The following MTMR3 variants were observed in gnomAD, a reference collection of about 807,000 sequenced individuals.
The protein encoded by MTMR3 is myotubularin related protein 3, also known as phosphatidylinositol-3,5-bisphosphate 3-phosphatase MTMR3.
Under a neutral mutation model 132.4 loss-of-function variants are expected in MTMR3, and 32 were observed. The ratio of observed to expected loss-of-function variants is 0.24; its 90% confidence interval spans 0.18 to 0.32. MTMR3 has a LOEUF of 0.32. Ranked by LOEUF, MTMR3 falls within the 10% of genes least tolerant of loss-of-function variation. The pLI is 1.00. For synonymous variants in MTMR3, 556 were observed against 550.3 expected (o/e 1.01, Z -0.14); for missense variants, 1,216 against 1,489.6 (o/e 0.82, Z 3.02).
rs757168895 is a variant in MTMR3, at chr22:30,018,085, T to C, written c.1820+13T>C. The C allele has an allele frequency of 8.2e-6, 13 of 1,592,814 alleles. No homozygotes were observed. Among genetic ancestry groups the C allele is most frequent in the Non-Finnish European group, 1.1e-5 (13 of 1,172,314 alleles). On this transcript the variant is annotated intron_variant, in intron 16 of 19. Transcript: ENST00000401950. ...CCCCCCTGAGCCGGTGAGCCCAGGGTGATGCCACAGGCCTGACAGCCTGTG... is the reference window on the plus strand; with the variant it reads ...CCCCCCTGAGCCGGTGAGCCCAGGGCGATGCCACAGGCCTGACAGCCTGTG...
intron 14 of MTMR3, 199 bp from the exon 15 acceptor site, chr22:30,016,329 C>G (rs2067590771): frequency 1.8e-6 from 1 of 554,052 alleles, no homozygotes; most frequent in Non-Finnish European, 3.2e-6. Flanking sequence ...CACCAACAAC[C>G]TGTCTGACTC....
intron 1 of MTMR3, among the ~76,000 whole-genome samples, chr22:29,892,445 T>C (rs1646198966): frequency 6.6e-6 from 1 of 152,220 alleles, no homozygotes; most frequent in Non-Finnish European, 1.5e-5. Context: ...GTATGAATAA[T>C]TGCTACTTGC....
intron 1 of MTMR3, among the ~76,000 whole-genome samples, chr22:29,935,310 G>A (rs2065727055): frequency 1.3e-5 from 2 of 152,140 alleles, no homozygotes; most frequent in Non-Finnish European, 2.9e-5. Flanking sequence ...AACACCATAA[G>A]ATACCATTGG....
intron 1 of MTMR3, among the ~76,000 whole-genome samples, chr22:29,945,310 A>C (rs1172909810): frequency 6.6e-6 from 1 of 152,200 alleles, no homozygotes; most frequent in Non-Finnish European, 1.5e-5. Flanking sequence ...CAGCCTGGAA[A>C]TGTAAATAAT....
chr22:29,973,928 A>T, intron 3 of MTMR3, among the ~76,000 whole-genome samples: 1 of 152,040 alleles, frequency 6.6e-6, no homozygotes, highest in Non-Finnish European at 1.5e-5. Flanking sequence ...ATTTATCTCT[A>T]TGGTTGACTT....
At chr22:29,939,410 A>G (rs1468216280) in intron 1 of MTMR3, among the ~76,000 whole-genome samples, 1 of 152,214 alleles carries the variant, frequency 6.6e-6, no homozygotes, top group Non-Finnish European at 1.5e-5. Context: ...GACTTTTCAA[A>G]TTAATCCTGA....
intron 5 of MTMR3, chr22:29,985,912 T>C (rs565638328): frequency 4.6e-5 from 7 of 152,364 alleles, no homozygotes; most frequent in African/African-American, 1.7e-4. Context: ...GCACGGGCCA[T>C]TGGGCTCTGG....
intron 1 of MTMR3, among the ~76,000 whole-genome samples, chr22:29,912,200 T>A (rs2065226930): frequency 6.6e-6 from 1 of 152,226 alleles, no homozygotes; most frequent in Admixed American, 6.5e-5. Context: ...CTTAATTTGT[T>A]TTTTTTATGC....
intron 1 of MTMR3, among the ~76,000 whole-genome samples, chr22:29,895,532 G>A (rs1201781898): frequency 6.6e-6 from 1 of 152,178 alleles, no homozygotes; most frequent in Non-Finnish European, 1.5e-5. Flanking sequence ...TTGGCGAGTG[G>A]TTAGTTGAAT....
chr22:30,007,968 G>A lies in MTMR3; in HGVS notation c.945G>A (p.Leu315=). Residue 315 remains leucine (L), a synonymous_variant, in exon 11 of 20, where the codon TTG becomes TTA. Transcript: ENST00000401950. ...TCCAACCGCAGAAGCTTTTGATCTT[G>A]GATGCACGCTCCTATGCAGCTGCTG... ...LAIQPQKLLI[L]DARSYAAAVA... is the part of the protein sequence containing the mutation. 6.2e-7 allele frequency: 1 copy of A among 1,613,574 alleles called. No individual in the cohort carries two copies. The highest frequency in any genetic ancestry group is 1.1e-5 in the South Asian group (1 of 91,050).
At chr22:29,948,627 C>G (rs994929519) in intron 1 of MTMR3, among the ~76,000 whole-genome samples, 3 of 152,052 alleles carry the variant, frequency 2.0e-5, no homozygotes, top group Non-Finnish European at 2.9e-5. Flanking sequence ...AAAGAAACCT[C>G]TTAGGCAACT....
chr22:30,002,559 G>A lies in MTMR3; in HGVS notation c.558-321G>A, dbSNP rs142826284. On this transcript the variant is annotated intron_variant, in intron 8 of 19. Coordinates refer to ENST00000401950, the MANE Select transcript of MTMR3 (RefSeq NM_021090.4). ...AATGGAGTATAAAGAGCTGACCCTC[G>A]ACTCCCCTTTTTTTCATTGATAGTT... 582 of 200,262 alleles carry A rather than the reference G, an allele frequency of 2.9e-3. 4 individuals carry two copies. Among genetic ancestry groups the A allele is most frequent in the African/African-American group, 0.012 (532 of 43,412 alleles). 12.4% of individuals were successfully genotyped at this position (200,262 alleles called of 1,614,324 possible). A position where few individuals can be genotyped will look rare whatever the true frequency, so the allele number is the denominator to read the frequency against.
chr22:29,936,893 A>G (rs2065760651), intron 1 of MTMR3, among the ~76,000 whole-genome samples: 2 of 152,156 alleles, frequency 1.3e-5, no homozygotes, highest in South Asian at 4.1e-4. Context: ...CCCTCATGCT[A>G]TCCACTTGAG....
chr22:29,927,316 G>A (rs2065536488), intron 1 of MTMR3, among the ~76,000 whole-genome samples: 1 of 151,948 alleles, frequency 6.6e-6, no homozygotes, highest in Non-Finnish European at 1.5e-5. Context: ...CTTTTTTCAT[G>A]GTTGTTTTGG....
At chr22:29,983,530 A>C (rs549522364) in intron 5 of MTMR3, 1 of 152,216 alleles carries the variant, frequency 6.6e-6, no homozygotes, top group Non-Finnish European at 1.5e-5. Flanking sequence ...TAGCATTCAT[A>C]TAACAGTGGG....
intron 1 of MTMR3, among the ~76,000 whole-genome samples, chr22:29,934,561 T>C (rs951985165): frequency 1.3e-5 from 2 of 152,248 alleles, no homozygotes; most frequent in Non-Finnish European, 2.9e-5. Context: ...TGTGGTCTCT[T>C]TTCCTTAGTA....
chr22:29,975,054 T>G (rs769094845), intron 3 of MTMR3, among the ~76,000 whole-genome samples: 23 of 152,140 alleles, frequency 1.5e-4, no homozygotes, highest in Non-Finnish European at 1.0e-4. Flanking sequence ...TTTCATAGAT[T>G]AGCACTAGGA....
chr22:29,962,828 C>T (rs191703420), intron 2 of MTMR3, among the ~76,000 whole-genome samples: 5 of 152,100 alleles, frequency 3.3e-5, no homozygotes, highest in African/African-American at 1.2e-4. Flanking sequence ...TTTTGTGACT[C>T]GCTTCATCAT....
At chr22:29,930,159 C>T (rs1342760440) in intron 1 of MTMR3, among the ~76,000 whole-genome samples, 3 of 152,140 alleles carry the variant, frequency 2.0e-5, no homozygotes, top group African/African-American at 7.2e-5. Context: ...TTGTCTACAA[C>T]AAAATTCACT....
Sources: allele counts gnomAD v4.1 joint callset (sites outside exome capture counted in the v4.1 genomes callset), GRCh38; gene constraint gnomAD v4.1.1; transcripts MANE v1.5; gene names NCBI Gene and HGNC (gene_info 2026-07-23, HGNC 2026-07-21).